Variants in HIP1 observed in about 807,000 individuals in gnomAD.
HIP1 encodes huntingtin interacting protein 1.
HIP1 carries 65 observed loss-of-function variants against 147.6 expected under a neutral mutation model. That is an observed-to-expected ratio of 0.44 (90% CI 0.36 to 0.54). The LOEUF is 0.54. Among genes scored for constraint, HIP1 ranks in the 20% least tolerant of loss-of-function variants. The pLI, the probability that HIP1 is intolerant of heterozygous loss-of-function variation, is 0.00. For missense variants in HIP1, 1,061 were observed against 1,299.6 expected (o/e 0.82, Z 2.82); for synonymous variants, 479 against 504.0 (o/e 0.95, Z 0.67).
chr7:75,590,182 A>C (rs942013891), intron 4 of HIP1, among the ~76,000 whole-genome samples: 2 of 152,196 alleles, frequency 1.3e-5, no homozygotes, highest in Non-Finnish European at 2.9e-5. Flanking sequence ...GGAAAATAAA[A>C]CAATAACTTA....
rs184845975 is a variant in HIP1, at chr7:75,651,165, G to A, written c.121-51918C>T. On this transcript the variant is annotated intron_variant, in intron 1 of 30. Coordinates refer to ENST00000336926, the MANE Select transcript of HIP1 (RefSeq NM_005338.7). The stretch of plus-strand genomic sequence containing the variant: ...CGCATGAAAACGGGGGAGGGTGAGA[G>A]GGTCTTCAAAGACCTGAGGCACAGT... Among the ~76,000 whole-genome samples, 25 of 151,926 alleles carry A rather than the reference G, an allele frequency of 1.6e-4. No homozygotes were observed. In the East Asian group the frequency reaches 4.1e-3, roughly 25 times the overall value.
At chr7:75,582,227 C>G (rs1458476316) in intron 5 of HIP1, 76 bp from the exon 6 acceptor site, 2 of 1,155,886 alleles carry the variant, frequency 1.7e-6, no homozygotes, top group East Asian at 2.4e-5. Context: ...TGGTGGCACA[C>G]GCCTGTGGTC....
chr7:75,560,654 A>G (rs965096422), intron 13 of HIP1, among the ~76,000 whole-genome samples: 3 of 152,182 alleles, frequency 2.0e-5, no homozygotes, highest in Non-Finnish European at 4.4e-5. Context: ...AATCACATGG[A>G]TACTGTGCCT....
chr7:75,535,519 C>T lies in HIP1; in HGVS notation c.*2653G>A, dbSNP rs1554488404. Reference sequence around the variant, plus strand: ...TACAGGCATGCACCATCATGCCCGGCTAATTTTGTTTTTGAATTTTAGTAG... The same window carrying T: ...TACAGGCATGCACCATCATGCCCGGTTAATTTTGTTTTTGAATTTTAGTAG... On this transcript the variant is annotated 3_prime_UTR_variant, in exon 31 of 31. Coordinates refer to ENST00000336926, the MANE Select transcript of HIP1 (RefSeq NM_005338.7). The T allele has an allele frequency of 5.6e-6, 1 of 179,480 alleles. No individual in the cohort carries two copies. Among genetic ancestry groups the T allele is most frequent in the African/African-American group, 2.4e-5 (1 of 42,300 alleles). The allele number at this position is 179,480 out of a possible 1,614,324, so 11.1% of individuals were successfully genotyped here.
intron 24 of HIP1, among the ~76,000 whole-genome samples, chr7:75,547,268 CTTCTT>C (rs1446621030): frequency 2.0e-5 from 3 of 151,770 alleles, no homozygotes; most frequent in Admixed American, 6.6e-5. Flanking sequence ...ATTCCTAGGA[CTTCTT>C]TTCTTCTTTT....
intron 1 of HIP1, among the ~76,000 whole-genome samples, chr7:75,655,010 G>A (rs983629874): frequency 3.9e-5 from 6 of 152,096 alleles, no homozygotes; most frequent in East Asian, 1.9e-4. Context: ...AAGTTAAACC[G>A]AATTACCACA....
intron 1 of HIP1, among the ~76,000 whole-genome samples, chr7:75,622,881 CTAT>C (rs1797896875): frequency 8.1e-6 from 1 of 123,888 alleles, no homozygotes; most frequent in African/African-American, 3.9e-5. Flanking sequence ...ATCTATCTAT[CTAT>C]CTATCTATCT....
chr7:75,612,303 A>AG (rs1797469338), intron 1 of HIP1, among the ~76,000 whole-genome samples: 5 of 152,146 alleles, frequency 3.3e-5, no homozygotes, highest in Admixed American at 3.3e-4. Flanking sequence ...CAAAGTCAGG[A>AG]GCTCCAGACC....
intron 1 of HIP1, among the ~76,000 whole-genome samples, chr7:75,620,687 AAAAC>A (rs1186253910): frequency 5.9e-5 from 9 of 152,206 alleles, no homozygotes; most frequent in Non-Finnish European, 1.0e-4. Flanking sequence ...CTCTGTCTCA[AAAAC>A]AAACAAACAA....
chr7:75,692,298 G>C (rs1800484605), intron 1 of HIP1, among the ~76,000 whole-genome samples: 1 of 151,336 alleles, frequency 6.6e-6, no homozygotes, highest in Admixed American at 6.6e-5. Flanking sequence ...TTGCTGTATT[G>C]GCCAGGCTGG....
At position 75,694,131 on chromosome 7, in the gene HIP1, G is replaced by A. The variant is rs111275308; in HGVS notation, c.120+44670C>T. ...GACGGGATTTCACCATGTTGGCCAG[G>A]CTTGTTTTGAATTCCTAACCTCGTG... On this transcript the variant is annotated intron_variant, in intron 1 of 30. Transcript: ENST00000336926. Among the ~76,000 whole-genome samples the A allele has an allele frequency of 3.2e-3, 491 of 152,048 alleles. 7 individuals carry two copies. The highest frequency in any genetic ancestry group is 0.011 in the African/African-American group (467 of 41,512).
At position 75,628,053 on chromosome 7, in the gene HIP1, T is replaced by C. The variant is rs118048475; in HGVS notation, c.121-28806A>G. Among the ~76,000 whole-genome samples, 76 of 152,320 alleles carry C rather than the reference T, an allele frequency of 5.0e-4. No individual in the cohort carries two copies. In the East Asian group the frequency reaches 9.3e-3, roughly 19 times the overall value. ...GCTCACTCCTCTTTCACAATTCTTA[T>C]CCAAGCATATTTAGAACAGTGCAGC... On this transcript the variant is annotated intron_variant, in intron 1 of 30. Transcript: ENST00000336926.
chr7:75,709,981 C>T (rs1190784678), intron 1 of HIP1, among the ~76,000 whole-genome samples: 1 of 152,168 alleles, frequency 6.6e-6, no homozygotes, highest in Non-Finnish European at 1.5e-5. Flanking sequence ...AAGTGATTCT[C>T]CTGCCTCAGT....
Position 75,538,006 on chromosome 7 carries a change from G to A in HIP1, c.*166C>T. 11 of 682,002 alleles carry A rather than the reference G, an allele frequency of 1.6e-5. No homozygotes were observed. Among genetic ancestry groups the A allele is most frequent in the South Asian group, 1.2e-4 (7 of 59,022 alleles). The allele number at this position is 682,002 out of a possible 1,614,324, so 42.2% of individuals were successfully genotyped here. A position where few individuals can be genotyped will look rare whatever the true frequency, so the allele number is the denominator to read the frequency against. ...CATGGGTCCAAACAGAAAGGGTGTC[G>A]CTATGGAGGGAGTCTTTGGAAGTGT... On this transcript the variant is annotated 3_prime_UTR_variant, in exon 31 of 31. Coordinates refer to ENST00000336926, the MANE Select transcript of HIP1 (RefSeq NM_005338.7).
intron 1 of HIP1, among the ~76,000 whole-genome samples, chr7:75,643,006 G>A (rs1324331207): frequency 6.6e-6 from 1 of 152,178 alleles, no homozygotes; most frequent in Non-Finnish European, 1.5e-5. Flanking sequence ...AGGCCTAGAA[G>A]GCTCTCAGTT....
At chr7:75,639,562 C>CGTGT (rs57827695) in intron 1 of HIP1, among the ~76,000 whole-genome samples, 20,674 of 137,236 alleles carry the variant, frequency 0.15, 1,662 homozygotes, top group East Asian at 0.23. Flanking sequence ...CGCCAGGAAG[C>CGTGT]GTGTGTGTGT....
intron 9 of HIP1, among the ~76,000 whole-genome samples, chr7:75,564,474 A>T (rs1280420851): frequency 1.3e-5 from 2 of 152,076 alleles, no homozygotes; most frequent in East Asian, 3.9e-4. Context: ...TTGTATCTTT[A>T]GTAGAGATGG....
chr7:75,572,186 T>C (rs1795661815), intron 8 of HIP1, among the ~76,000 whole-genome samples: 1 of 149,872 alleles, frequency 6.7e-6, no homozygotes, highest in Non-Finnish European at 1.5e-5. Flanking sequence ...ATCATGCCAT[T>C]GCACTCTAGC....
intron 1 of HIP1, among the ~76,000 whole-genome samples, chr7:75,616,307 T>C (rs1797659793): frequency 6.6e-6 from 1 of 151,906 alleles, no homozygotes; most frequent in African/African-American, 2.4e-5. Context: ...TCTTGCTCTG[T>C]TGCCCAGGCT....
Sources: allele counts gnomAD v4.1 joint callset (sites outside exome capture counted in the v4.1 genomes callset), GRCh38; gene constraint gnomAD v4.1.1; transcripts MANE v1.5; gene names NCBI Gene and HGNC (gene_info 2026-07-23, HGNC 2026-07-21).